CEP97: variants seen among roughly 807,000 people sequenced by gnomAD.
The protein encoded by CEP97 is centrosomal protein 97, also known as centrosomal protein of 97 kDa.
CEP97 carries 43 observed loss-of-function variants against 73.1 expected under a neutral mutation model. That is an observed-to-expected ratio of 0.59 (90% confidence interval 0.46 to 0.76). The LOEUF (loss-of-function observed/expected upper bound fraction) is 0.76. CEP97 is among the 30% of genes least tolerant of loss of function. CEP97 has a pLI of 0.00. For missense variants in CEP97, 939 were observed against 1,014.0 expected, an observed-to-expected ratio of 0.93 and a Z score of 1.00; for synonymous variants, 337 against 370.0, an observed-to-expected ratio of 0.91 and a Z score of 1.02.
intron 7 of CEP97, 130 bp downstream of exon 7, chr3:101,755,724 T>C: frequency 1.2e-6 from 1 of 836,268 alleles, no homozygotes; most frequent in South Asian, 1.6e-5. Flanking sequence ...CCCTTGTCAC[T>C]GCAACAGTTC....
chr3:101,762,412 T>G (rs1939196634), intron 9 of CEP97, 73 bp from the exon 10 acceptor site: 1 of 842,256 alleles, frequency 1.2e-6, no homozygotes, highest in Non-Finnish European at 1.9e-6. Context: ...ATGCATGTGT[T>G]TATGAGTTGT....
chr3:101,762,441 A>T, intron 9 of CEP97, 44 bp from the exon 10 acceptor site: 1 of 1,323,716 alleles, frequency 7.6e-7, no homozygotes, highest in Non-Finnish European at 1.1e-6. Context: ...GTCTGAGTCA[A>T]AGCACCCTTC....
Position 101,732,606 on chromosome 3 carries a change from G to A in CEP97, c.680G>A (p.Cys227Tyr). The part of the protein sequence containing the change: ...FDYRPYIVSW[C>Y]LNLRVLDGYV... ...TATCGGCCGTACATCGTCAGCTGGT[G>A]CCTAAACCTCAGAGTCCTAGATGGA... is the stretch of plus-strand genomic sequence containing the variant. Residue 227 changes from cysteine to tyrosine, a missense_variant, in exon 6 of 11, where the codon TGC (cysteine) becomes TAC (tyrosine). By Grantham distance (194) the Cys-to-Tyr change is radical (BLOSUM62 -2). Transcript: ENST00000341893. 1.4e-5 allele frequency: 23 copies of A among 1,614,068 alleles called. No individual in the cohort carries two copies. The highest frequency in any genetic ancestry group is 1.9e-5 in the Non-Finnish European group (23 of 1,179,942).
intron 6 of CEP97, among the ~76,000 whole-genome samples, chr3:101,754,528 T>C (rs1938949818): frequency 6.6e-6 from 1 of 152,196 alleles, no homozygotes; most frequent in Admixed American, 6.5e-5. Context: ...TATATTATTA[T>C]GGCATACTCT....
In CEP97 at chr3:101,730,945, A is replaced by C. The variant is rs139137888; in HGVS notation, c.448-895A>C. Among the ~76,000 whole-genome samples the C allele has an allele frequency of 9.2e-3, 1,391 of 152,004 alleles. 18 individuals are homozygous for C. The highest frequency in any genetic ancestry group is 0.032 in the African/African-American group (1,322 of 41,490). ...TGCTAAGAGAATTCAAATGAACCAA[A>C]GATGATTGAATTTTTTTTTTTTTTT... On this transcript the variant is annotated intron_variant, in intron 4 of 10. Coordinates refer to ENST00000341893, the MANE Select transcript of CEP97 (RefSeq NM_024548.4).
chr3:101,735,997 C>A (rs528066495), intron 6 of CEP97, among the ~76,000 whole-genome samples: 1 of 152,154 alleles, frequency 6.6e-6, no homozygotes, highest in Non-Finnish European at 1.5e-5. Flanking sequence ...CTGGGATGCT[C>A]GAGCTTGTCG....
rs1939354253 is a variant in CEP97, at chr3:101,767,768, C to A, written c.*2217C>A. The A allele has an allele frequency of 6.6e-6, 1 of 152,074 alleles. No individual in the cohort carries two copies. The highest frequency in any genetic ancestry group is 1.5e-5 in the Non-Finnish European group (1 of 68,016). 9.4% of individuals were successfully genotyped at this position (152,074 alleles called of 1,614,324 possible). On this transcript the variant is annotated 3_prime_UTR_variant, in exon 11 of 11. Transcript: ENST00000341893. ...TCGTCTGTGTTTTATTTAACTTTTA[C>A]TAGTGTTTAGAAGTGCAAGAATATT...
chr3:101,731,349 C>T (rs1214079809), intron 4 of CEP97, among the ~76,000 whole-genome samples: 3 of 151,414 alleles, frequency 2.0e-5, no homozygotes, highest in African/African-American at 7.3e-5. Flanking sequence ...TACAGGTGCA[C>T]CTCATCATGC....
rs1173439684 is a variant in CEP97, at chr3:101,768,741, G to GT, written c.*3190_*3191insT. The GT allele has an allele frequency of 3.9e-5, 6 of 152,136 alleles. No homozygotes were observed. 9.4% of individuals were successfully genotyped at this position (152,136 alleles called of 1,614,324 possible). On this transcript the variant is annotated 3_prime_UTR_variant, in exon 11 of 11. Coordinates refer to ENST00000341893, the MANE Select transcript of CEP97 (RefSeq NM_024548.4). ...CCATTTATTTGACGACAGGCAGTAT[G>GT]ACAGGTTGCTGAGGTATATAAAATT...
chr3:101,749,144 C>T (rs1424952883), intron 6 of CEP97, among the ~76,000 whole-genome samples: 2 of 108,234 alleles, frequency 1.8e-5, no homozygotes, highest in Non-Finnish European at 3.7e-5. Flanking sequence ...TCCCTCCCCC[C>T]TCCCCCCACC....
chr3:101,743,296 C>T (rs1161345114), intron 6 of CEP97, among the ~76,000 whole-genome samples: 2 of 151,752 alleles, frequency 1.3e-5, no homozygotes, highest in Non-Finnish European at 2.9e-5. Flanking sequence ...TCGTAACTCC[C>T]CTCCTCACTA....
chr3:101,744,858 A>G (rs1198667800), intron 6 of CEP97, among the ~76,000 whole-genome samples: 1 of 152,214 alleles, frequency 6.6e-6, no homozygotes, highest in Non-Finnish European at 1.5e-5. Flanking sequence ...TTCAGTTTTT[A>G]AAGTCTGCCC....
At chr3:101,735,292 C>G (rs942711415) in intron 6 of CEP97, among the ~76,000 whole-genome samples, 2 of 152,188 alleles carry the variant, frequency 1.3e-5, no homozygotes, top group African/African-American at 4.8e-5. Context: ...TAATGCTTTG[C>G]AAACATTTAA....
rs142774782 is a variant in CEP97, at chr3:101,748,939, C to T, written c.729-6491C>T. Among the ~76,000 whole-genome samples, 309 of 152,146 alleles carry T rather than the reference C, an allele frequency of 2.0e-3. 4 individuals carry two copies. Among genetic ancestry groups the T allele is most frequent in the East Asian group, 0.02 (104 of 5,178 alleles). ...ACAGGTGTGAGCCACTGCGCCCGGCCCATGGAAGGAATACTTCTAATTATC... is the reference window on the plus strand; with the variant it reads ...ACAGGTGTGAGCCACTGCGCCCGGCTCATGGAAGGAATACTTCTAATTATC... On this transcript the variant is annotated intron_variant, in intron 6 of 10. Coordinates refer to ENST00000341893, the MANE Select transcript of CEP97 (RefSeq NM_024548.4).
At position 101,767,703 on chromosome 3, in the gene CEP97, A is replaced by C. The variant is rs1044900512; in HGVS notation, c.*2152A>C. The C allele has an allele frequency of 2.0e-5, 3 of 152,194 alleles. No individual in the cohort carries two copies. Among genetic ancestry groups the C allele is most frequent in the African/African-American group, 7.2e-5 (3 of 41,436 alleles). The allele number at this position is 152,194 out of a possible 1,614,324, so 9.4% of individuals were successfully genotyped here. A position where few individuals can be genotyped will look rare whatever the true frequency, so the allele number is the denominator to read the frequency against. ...AATAGTACTCAGCATACTTTCATTAAAAATTTGGCACAATATGATAATTGT... is the reference window on the plus strand; with the variant it reads ...AATAGTACTCAGCATACTTTCATTACAAATTTGGCACAATATGATAATTGT... On this transcript the variant is annotated 3_prime_UTR_variant, in exon 11 of 11. Transcript: ENST00000341893.
intron 6 of CEP97, among the ~76,000 whole-genome samples, chr3:101,733,315 A>G (rs1439830201): frequency 2.0e-5 from 3 of 152,142 alleles, no homozygotes; most frequent in Admixed American, 6.5e-5. Flanking sequence ...CTTGTAATAT[A>G]TTAATCTATC....
rs1467769374 is a variant in CEP97 at position 101,769,061 on chromosome 3, C to A, written c.*3510C>A. 2 of 152,086 alleles carry A rather than the reference C, an allele frequency of 1.3e-5. No individual in the cohort carries two copies. The highest frequency in any genetic ancestry group is 4.8e-5 in the African/African-American group (2 of 41,410). 9.4% of individuals were successfully genotyped at this position (152,086 alleles called of 1,614,324 possible). Reference sequence around the variant, plus strand: ...TCTGTTTTGGATTATTTTTTGTATACAAACACCATAATACTGTATTTTCCT... The same window carrying A: ...TCTGTTTTGGATTATTTTTTGTATAAAAACACCATAATACTGTATTTTCCT... On this transcript the variant is annotated 3_prime_UTR_variant, in exon 11 of 11. Transcript: ENST00000341893.
rs769086256 is a variant in CEP97, at chr3:101,732,585, G to A, written c.659G>A (p.Arg220Gln). ...ATPSIPGFDY[R>Q]PYIVSWCLNL... ...CCATCCATCCCAGGATTTGACTATC[G>A]GCCGTACATCGTCAGCTGGTGCCTA... The change falls in exon 6 of 11, where the codon CGG becomes CAG. Residue 220 changes from arginine to glutamine, a missense_variant. Physicochemically the swap from Arg to Gln is conservative, Grantham distance 43. Transcript: ENST00000341893. 16 of 1,613,806 alleles carry A rather than the reference G, an allele frequency of 9.9e-6. No individual in the cohort carries two copies. Among genetic ancestry groups the A allele is most frequent in the Non-Finnish European group, 1.3e-5 (15 of 1,179,932 alleles).
At chr3:101,745,965 C>T (rs1938601461) in intron 6 of CEP97, among the ~76,000 whole-genome samples, 1 of 151,954 alleles carries the variant, frequency 6.6e-6, no homozygotes, top group South Asian at 2.1e-4. Flanking sequence ...TCCATGTGTT[C>T]TCATTGTTCA....
Sources: gnomAD v4.1 joint callset for allele counts (sites outside exome capture counted in the v4.1 genomes callset) on GRCh38, gnomAD v4.1.1 for gene constraint, MANE v1.5 for transcripts, NCBI Gene and HGNC (gene_info 2026-07-23, HGNC 2026-07-21) for gene names.